The following ANK1 variants were observed in gnomAD, a reference collection of about 807,000 sequenced individuals.
The protein encoded by ANK1 is ankyrin 1.
In ANK1, 51 loss-of-function variants were observed where a neutral mutation model predicts 210.4. The observed-to-expected ratio is 0.24, with a 90% CI of 0.19 to 0.31. The LOEUF (loss-of-function observed/expected upper bound fraction) is 0.31, where lower values mean the gene tolerates loss of function less well. Among genes scored for constraint, ANK1 ranks in the 10% least tolerant of loss-of-function variants. The pLI, the probability that ANK1 is intolerant of heterozygous loss-of-function variation, is 1.00. For synonymous variants in ANK1, 967 were observed against 1,025.9 expected (o/e 0.94, Z 1.10); for missense variants, 2,051 against 2,504.4 (o/e 0.82, Z 3.86).
chr8:41,872,405 TTCC>T (rs1815714436), intron 1 of ANK1, among the ~76,000 whole-genome samples: 1 of 152,214 alleles, frequency 6.6e-6, no homozygotes, highest in Admixed American at 6.5e-5. Flanking sequence ...GTGCTGCTCT[TTCC>T]TCACTTCAGA....
At chr8:41,681,681 G>GTTGGGCA (rs1260740779) in intron 37 of ANK1, among the ~76,000 whole-genome samples, 2,081 of 151,736 alleles carry the variant, frequency 0.014, 60 homozygotes, top group African/African-American at 0.048. Context: ...ACCAGGTCAG[G>GTTGGGCA]CCATCACGAG....
intron 37 of ANK1, among the ~76,000 whole-genome samples, chr8:41,679,389 G>A (rs533909497): frequency 1.2e-4 from 18 of 152,042 alleles, no homozygotes; most frequent in Non-Finnish European, 2.5e-4. Context: ...TTTGTGAGAT[G>A]AGATCCTTCT....
intron 1 of ANK1, among the ~76,000 whole-genome samples, chr8:41,856,840 A>G (rs1812250356): frequency 1.3e-5 from 2 of 150,054 alleles, no homozygotes; most frequent in African/African-American, 4.9e-5. Flanking sequence ...CTTATCAACC[A>G]CAACGGTCTT....
intron 2 of ANK1, among the ~76,000 whole-genome samples, chr8:41,751,601 T>A (rs578248939): frequency 4.6e-5 from 7 of 152,128 alleles, no homozygotes; most frequent in Non-Finnish European, 8.8e-5. Flanking sequence ...CCCGGCAAAA[T>A]GTGTGCTGAG....
At chr8:41,791,765 C>T (rs563575362) in intron 1 of ANK1, among the ~76,000 whole-genome samples, 2 of 152,264 alleles carry the variant, frequency 1.3e-5, no homozygotes, top group African/African-American at 4.8e-5. Context: ...GCTTCATTTC[C>T]CACATCTGGA....
At chr8:41,807,346 A>G (rs142278479) in intron 1 of ANK1, among the ~76,000 whole-genome samples, 1 of 152,334 alleles carries the variant, frequency 6.6e-6, no homozygotes, top group East Asian at 1.9e-4. Context: ...TAACCATGAC[A>G]CTATATTGCC....
In ANK1 at chr8:41,704,067, C is replaced by A; in HGVS notation, c.2269G>T (p.Gly757Cys). The change falls in exon 20 of 43, where the codon GGT becomes TGT. Residue 757 changes from glycine (G) to cysteine (C), a missense_variant. Gly to Cys is a radical substitution (Grantham distance 159). Around this residue, in one of 6 missense-constraint regions of ANK1, gnomAD observed 1,413 missense variants for 1,707.4 expected, o/e 0.83. Transcript: ENST00000289734. The surrounding 1 kb of genome is among the most constrained non-coding windows in gnomAD (Gnocchi z 4.1). ...GAGCTGACCTCGTTTGGGGAAGCAC[C>A]GTTTTTCAGAAGCAGAGTCACGATG... ...TDIVTLLLKN[G>C]ASPNEVSSDG... 6.2e-7 allele frequency: 1 copy of A among 1,614,042 alleles called. No homozygotes were observed. The highest frequency in any genetic ancestry group is 1.1e-5 in the South Asian group (1 of 91,076).
intron 1 of ANK1, among the ~76,000 whole-genome samples, chr8:41,895,581 C>T (rs1306217607): frequency 6.6e-6 from 1 of 152,114 alleles, no homozygotes; most frequent in African/African-American, 2.4e-5. Flanking sequence ...CACAGAAATA[C>T]CCGGGATGTC....
At chr8:41,835,682 C>T (rs879598823) in intron 1 of ANK1, among the ~76,000 whole-genome samples, 13 of 152,214 alleles carry the variant, frequency 8.5e-5, no homozygotes, top group Admixed American at 2.6e-4. Flanking sequence ...ATGGTTTTTA[C>T]ATTTTTAAAT....
rs201459848 is a variant in ANK1, at chr8:41,714,184, C to A, written c.1772G>T (p.Arg591Leu). ...NLDIVKLLLPRGGSPHSPAWN... is the reference protein window; with the variant it reads ...NLDIVKLLLPLGGSPHSPAWN... Reference sequence around the variant, plus strand: ...GGCAGGGCTGTGCGGGGAGCCGCCCCGGGGAAGCAGCAGCTTGACGATGTC... The same window carrying A: ...GGCAGGGCTGTGCGGGGAGCCGCCCAGGGGAAGCAGCAGCTTGACGATGTC... The change falls in exon 16 of 43, where the codon CGG becomes CTG. Residue 591 changes from arginine (R) to leucine (L), a missense_variant. Arg to Leu is a moderately radical substitution (Grantham distance 102). This residue lies in a region of ANK1 where 1,413 missense variants were observed against 1,707.4 expected (regional missense o/e 0.83). Coordinates refer to ENST00000289734, the MANE Select transcript of ANK1 (RefSeq NM_000037.4). 2 of 1,461,580 alleles carry A rather than the reference C, an allele frequency of 1.4e-6. No individual in the cohort carries two copies. Among genetic ancestry groups the A allele is most frequent in the African/African-American group, 1.4e-5 (1 of 72,002 alleles). The allele number at this position is 1,461,580 out of a possible 1,614,324, so 90.5% of individuals were successfully genotyped here. A position where few individuals can be genotyped will look rare whatever the true frequency, so the allele number is the denominator to read the frequency against.
At chr8:41,729,851 C>T (rs1447197996) in intron 3 of ANK1, among the ~76,000 whole-genome samples, 2 of 152,082 alleles carry the variant, frequency 1.3e-5, no homozygotes, top group Admixed American at 1.3e-4. Context: ...CCCTGGGTGC[C>T]CTGCACCTGA....
intron 1 of ANK1, among the ~76,000 whole-genome samples, chr8:41,865,492 C>T (rs369110552): frequency 6.6e-6 from 1 of 152,130 alleles, no homozygotes; most frequent in African/African-American, 2.4e-5. Context: ...CCGAGGCCTC[C>T]CAGATCTGCA....
rs1304228152 is a variant in ANK1, at chr8:41,797,092, C to T, written c.27+420G>A. ...TCCCCTTCCAAATGACAGTGACAGCCCCCTAGCCGGGTGGCCCACCCCGCA... is the reference window on the plus strand; with the variant it reads ...TCCCCTTCCAAATGACAGTGACAGCTCCCTAGCCGGGTGGCCCACCCCGCA... On this transcript the variant is annotated intron_variant, in intron 1 of 42. Coordinates refer to ENST00000289734, the MANE Select transcript of ANK1 (RefSeq NM_000037.4). This position sits in a 1 kb window ranked among gnomAD's most constrained non-coding sequence, Gnocchi z 4.0. Among the ~76,000 whole-genome samples, 1 of 152,186 alleles carries T rather than the reference C, an allele frequency of 6.6e-6. No homozygotes were observed. The highest frequency in any genetic ancestry group is 1.9e-4 in the East Asian group (1 of 5,192).
chr8:41,686,213 C>T lies in ANK1; in HGVS notation c.4329G>A (p.Leu1443=). The change falls in exon 36 of 43, where the codon CTG becomes CTA. Residue 1443 remains leucine, a synonymous_variant. Transcript: ENST00000289734. The part of the protein sequence containing the change: ...NRIRVENPNS[L]LEQSVALLNL... Reference sequence around the variant, plus strand: ...TCAGCAAGGCCACACTCTGCTCCAACAGGGAGTTGGGATTTTCCACTCGGA... The same window carrying T: ...TCAGCAAGGCCACACTCTGCTCCAATAGGGAGTTGGGATTTTCCACTCGGA... 1 of 1,614,220 alleles carries T rather than the reference C, an allele frequency of 6.2e-7. No homozygotes were observed.
chr8:41,711,887 T>C (rs541333428), intron 16 of ANK1, among the ~76,000 whole-genome samples: 2 of 152,122 alleles, frequency 1.3e-5, no homozygotes, highest in East Asian at 3.9e-4. Flanking sequence ...TGGAGTTTGG[T>C]TTTTCCATTA....
chr8:41,872,850 C>T (rs1815822775), intron 1 of ANK1, among the ~76,000 whole-genome samples: 1 of 152,258 alleles, frequency 6.6e-6, no homozygotes, highest in Non-Finnish European at 1.5e-5. Flanking sequence ...AGCACAGCCG[C>T]CCTCGCGAGC....
intron 1 of ANK1, among the ~76,000 whole-genome samples, chr8:41,782,544 G>T (rs1845553044): frequency 6.6e-6 from 1 of 152,140 alleles, no homozygotes; most frequent in South Asian, 2.1e-4. Context: ...CATCCAGCAG[G>T]TCTTCCCCTA....
chr8:41,837,421 C>A (rs1363353550), intron 1 of ANK1, among the ~76,000 whole-genome samples: 2 of 152,210 alleles, frequency 1.3e-5, no homozygotes, highest in Non-Finnish European at 2.9e-5. Flanking sequence ...CACACTGACA[C>A]ATGGGCTTCC....
rs761024439 is a variant in ANK1, at chr8:41,835,885, G to A, written c.126+60470C>T. On this transcript the variant is annotated intron_variant, in intron 1 of 42. Transcript: ENST00000265709. Reference sequence around the variant, plus strand: ...TTGTCACGGAGAAGCCTGCAGTGTCGCCCCGCCTGGGAGGACCCTCATGCC... The same window carrying A: ...TTGTCACGGAGAAGCCTGCAGTGTCACCCCGCCTGGGAGGACCCTCATGCC... Among the ~76,000 whole-genome samples, 43 of 152,306 alleles carry A rather than the reference G, an allele frequency of 2.8e-4. No homozygotes were observed. The Middle Eastern group carries it at 0.02, about 72-fold the overall frequency.
Sources: allele counts gnomAD v4.1 joint callset (sites outside exome capture counted in the v4.1 genomes callset), GRCh38; gene constraint gnomAD v4.1.1; regional missense constraint gnomAD v4.1.1; non-coding constraint Gnocchi (gnomAD v3.1); transcripts MANE v1.5; gene names NCBI Gene and HGNC (gene_info 2026-07-23, HGNC 2026-07-21).